The following PTPRD variants were observed in gnomAD, a reference collection of about 807,000 sequenced individuals.
PTPRD encodes protein tyrosine phosphatase receptor type D.
Under a neutral mutation model 214.5 loss-of-function variants are expected in PTPRD, and 34 were observed. That is an observed-to-expected ratio of 0.16 (90% CI 0.12 to 0.21). The LOEUF (loss-of-function observed/expected upper bound fraction) is 0.21, where lower values mean the gene tolerates loss of function less well. Ranked by LOEUF, PTPRD falls within the 10% of genes least tolerant of loss-of-function variation. The pLI is 1.00. For synonymous variants in PTPRD, 1,128 were observed against 845.7 expected (o/e 1.33, Z -5.79); for missense variants, 2,545 against 2,398.7 (o/e 1.06, Z -1.27).
chr9:10,585,775 A>G (rs1033041140), intron 2 of PTPRD, among the ~76,000 whole-genome samples: 2 of 151,984 alleles, frequency 1.3e-5, no homozygotes, highest in Non-Finnish European at 2.9e-5. Context: ...AAGGGCCCTT[A>G]TTAAATACTG....
chr9:9,286,862 T>C (rs1949551896), intron 9 of PTPRD, among the ~76,000 whole-genome samples: 1 of 101,690 alleles, frequency 9.8e-6, no homozygotes, highest in African/African-American at 3.8e-5. Context: ...AAGGCAGTCT[T>C]GAAACTACTG....
At chr9:8,710,967 G>A (rs183220060) in intron 12 of PTPRD, among the ~76,000 whole-genome samples, 1 of 152,146 alleles carries the variant, frequency 6.6e-6, no homozygotes, top group South Asian at 2.1e-4. Context: ...TTTCTACTAA[G>A]TTTGGGAAAT....
At chr9:10,565,134 CTT>C (rs2065206940) in intron 2 of PTPRD, among the ~76,000 whole-genome samples, 1 of 151,994 alleles carries the variant, frequency 6.6e-6, no homozygotes, top group African/African-American at 2.4e-5. Context: ...AAAGATTACA[CTT>C]AAAATATACA....
intron 2 of PTPRD, among the ~76,000 whole-genome samples, chr9:10,412,658 A>G (rs1489035610): frequency 6.7e-6 from 1 of 148,858 alleles, no homozygotes; most frequent in East Asian, 2.0e-4. Flanking sequence ...ACACACACAC[A>G]CACACACCCC....
At chr9:9,173,753 A>G (rs997921806) in intron 10 of PTPRD, among the ~76,000 whole-genome samples, 9 of 152,154 alleles carry the variant, frequency 5.9e-5, no homozygotes, top group African/African-American at 2.2e-4. Flanking sequence ...GACCATTGTT[A>G]CACAAAGCAT....
intron 21 of PTPRD, among the ~76,000 whole-genome samples, chr9:8,511,456 C>G (rs2097680549): frequency 6.6e-6 from 1 of 151,978 alleles, no homozygotes. Context: ...CTTCACTTAC[C>G]AGTCCTTTGT....
At chr9:9,993,698 C>A (rs2154082389) in intron 4 of PTPRD, among the ~76,000 whole-genome samples, 1 of 152,246 alleles carries the variant, frequency 6.6e-6, no homozygotes, top group African/African-American at 2.4e-5. Flanking sequence ...GTGATATTTA[C>A]TCCTTGACTG....
chr9:9,827,726 C>T (rs1240694456), intron 5 of PTPRD, among the ~76,000 whole-genome samples: 1 of 152,024 alleles, frequency 6.6e-6, no homozygotes, highest in Non-Finnish European at 1.5e-5. Flanking sequence ...AGAAAACCTA[C>T]AGAATGGGAG....
intron 5 of PTPRD, among the ~76,000 whole-genome samples, chr9:9,903,320 A>C (rs2076829529): frequency 6.6e-6 from 1 of 152,134 alleles, no homozygotes; most frequent in Non-Finnish European, 1.5e-5. Context: ...ATTACTTTAG[A>C]TGCTTAAAGA....
chr9:8,561,843 T>C (rs1411880136), intron 14 of PTPRD, among the ~76,000 whole-genome samples: 2 of 151,832 alleles, frequency 1.3e-5, no homozygotes, highest in Non-Finnish European at 2.9e-5. Flanking sequence ...TATATATTTA[T>C]ATATATTTAG....
chr9:10,006,998 A>G (rs138397911), intron 4 of PTPRD, among the ~76,000 whole-genome samples: 4 of 152,034 alleles, frequency 2.6e-5, no homozygotes, highest in Non-Finnish European at 5.9e-5. Context: ...TTAATGTAAC[A>G]AATCCCCATG....
chr9:9,448,366 T>C (rs1405654099), intron 8 of PTPRD, among the ~76,000 whole-genome samples: 1 of 151,878 alleles, frequency 6.6e-6, no homozygotes, highest in Non-Finnish European at 1.5e-5. Flanking sequence ...GGTGTCAGTT[T>C]CCCCCATGCT....
intron 11 of PTPRD, among the ~76,000 whole-genome samples, chr9:9,006,284 T>C (rs991001240): frequency 2.0e-5 from 3 of 152,064 alleles, no homozygotes; most frequent in African/African-American, 4.8e-5. Flanking sequence ...TGAGAGCAAA[T>C]ATAATGGTGC....
At chr9:10,494,568 T>G (rs1394208944) in intron 2 of PTPRD, among the ~76,000 whole-genome samples, 4 of 151,364 alleles carry the variant, frequency 2.6e-5, no homozygotes, top group South Asian at 2.1e-4. Flanking sequence ...AATTTTTTTG[T>G]TTTGTTTACC....
chr9:10,032,362 T>A (rs1260454856), intron 4 of PTPRD, among the ~76,000 whole-genome samples: 1 of 152,212 alleles, frequency 6.6e-6, no homozygotes, highest in African/African-American at 2.4e-5. Context: ...AAATGATGTG[T>A]GCCAACAGAT....
At chr9:10,363,693 G>C (rs891170209) in intron 2 of PTPRD, among the ~76,000 whole-genome samples, 10 of 151,990 alleles carry the variant, frequency 6.6e-5, no homozygotes, top group African/African-American at 2.4e-4. Context: ...CATTTTTTTG[G>C]ATTCATTCAT....
chr9:9,236,880 C>A (rs1194797287), intron 9 of PTPRD, among the ~76,000 whole-genome samples: 2 of 152,058 alleles, frequency 1.3e-5, no homozygotes, highest in Non-Finnish European at 2.9e-5. Context: ...GTTGTCTAAG[C>A]TTTTCTAACT....
chr9:9,808,776 A>C (rs933774452), intron 5 of PTPRD, among the ~76,000 whole-genome samples: 8 of 152,016 alleles, frequency 5.3e-5, no homozygotes, highest in Non-Finnish European at 1.0e-4. Flanking sequence ...TTTAATTTTT[A>C]CTTAATTAAT....
intron 3 of PTPRD, among the ~76,000 whole-genome samples, chr9:10,169,553 C>G (rs1438578535): frequency 1.3e-5 from 2 of 149,878 alleles, no homozygotes; most frequent in Non-Finnish European, 3.0e-5. Context: ...GTACCTTCCA[C>G]AAATAACAAT....
Sources: allele counts gnomAD v4.1 joint callset (sites outside exome capture counted in the v4.1 genomes callset), GRCh38; gene constraint gnomAD v4.1.1; transcripts MANE v1.5; gene names NCBI Gene and HGNC (gene_info 2026-07-23, HGNC 2026-07-21).